The following CNTN3 variants were observed in gnomAD, a reference collection of about 807,000 sequenced individuals.
CNTN3 encodes contactin-3.
A neutral mutation model predicts 119.1 loss-of-function variants in CNTN3; 60 were observed. That is an observed-to-expected ratio of 0.50 (90% CI 0.41 to 0.62). The LOEUF (loss-of-function observed/expected upper bound fraction) is 0.62. Ranked by LOEUF, CNTN3 falls within the 20% of genes least tolerant of loss-of-function variation. The pLI is 0.00. For synonymous variants in CNTN3, 450 were observed against 438.7 expected (o/e 1.03, Z -0.32); for missense variants, 1,101 against 1,242.4 (o/e 0.89, Z 1.71).
At chr3:74,482,404 T>C (rs1255602931) in intron 4 of CNTN3, among the ~76,000 whole-genome samples, 1 of 151,972 alleles carries the variant, frequency 6.6e-6, no homozygotes, top group African/African-American at 2.4e-5. Flanking sequence ...AATAAATCAT[T>C]CATTATAAAA....
intron 4 of CNTN3, among the ~76,000 whole-genome samples, chr3:74,460,198 T>A (rs1220514104): frequency 6.6e-6 from 1 of 152,052 alleles, no homozygotes; most frequent in Non-Finnish European, 1.5e-5. Context: ...AAGTGATTCT[T>A]CACATTTTGA....
intron 5 of CNTN3, among the ~76,000 whole-genome samples, chr3:74,391,760 C>T (rs1375685325): frequency 5.3e-5 from 8 of 151,824 alleles, no homozygotes; most frequent in Admixed American, 3.9e-4. Context: ...GGGGCTCAAG[C>T]GATTCTCCTG....
intron 4 of CNTN3, among the ~76,000 whole-genome samples, chr3:74,442,797 C>T (rs1201947043): frequency 6.6e-6 from 1 of 152,154 alleles, no homozygotes; most frequent in Non-Finnish European, 1.5e-5. Context: ...CAGCATGACT[C>T]TCACAGCAAT....
intron 20 of CNTN3, among the ~76,000 whole-genome samples, chr3:74,268,032 T>C (rs189643447): frequency 2.0e-3 from 308 of 152,258 alleles, no homozygotes; most frequent in African/African-American, 7.2e-3. Flanking sequence ...AGAGTCTATA[T>C]TTTAAAAGTC....
chr3:74,289,962 C>T lies in CNTN3; in HGVS notation c.2518-4471G>A, dbSNP rs75537442. 2.7e-3 allele frequency among the ~76,000 whole-genome samples: 416 copies of T among 152,236 alleles called. 2 individuals carry two copies. Among genetic ancestry groups the T allele is most frequent in the African/African-American group, 9.3e-3 (386 of 41,552 alleles). On this transcript the variant is annotated intron_variant, in intron 19 of 22. Transcript: ENST00000263665. ...GTGTGGACTTAACTAGACACTGTGA[C>T]GGTTCTATGAGGATTTTTAAATTTT...
At chr3:74,493,103 T>A (rs1702998046) in intron 3 of CNTN3, among the ~76,000 whole-genome samples, 1 of 152,160 alleles carries the variant, frequency 6.6e-6, no homozygotes, top group South Asian at 2.1e-4. Context: ...TTTTCCTTTA[T>A]CTTACTAGTT....
chr3:74,404,994 A>G (rs920873473), intron 5 of CNTN3, among the ~76,000 whole-genome samples: 30 of 152,026 alleles, frequency 2.0e-4, no homozygotes, highest in African/African-American at 7.0e-4. Flanking sequence ...CAAAATGAAA[A>G]GAAAGAAGAA....
chr3:74,521,942 G>A (rs1283143999), intron 1 of CNTN3, among the ~76,000 whole-genome samples: 2 of 151,722 alleles, frequency 1.3e-5, no homozygotes, highest in African/African-American at 4.8e-5. Flanking sequence ...CAATTCAGTT[G>A]GTACCACACG....
intron 20 of CNTN3, among the ~76,000 whole-genome samples, chr3:74,282,383 T>C (rs1213880450): frequency 6.6e-6 from 1 of 152,202 alleles, no homozygotes; most frequent in Non-Finnish European, 1.5e-5. Flanking sequence ...TGTAGCATGT[T>C]TTGAATTTGC....
At chr3:74,504,819 T>C (rs1220907917) in intron 2 of CNTN3, among the ~76,000 whole-genome samples, 2 of 152,116 alleles carry the variant, frequency 1.3e-5, no homozygotes, top group Non-Finnish European at 2.9e-5. Flanking sequence ...CAGGGGAGAT[T>C]GGCTTATGAG....
intron 4 of CNTN3, among the ~76,000 whole-genome samples, chr3:74,475,116 T>G (rs565725526): frequency 6.6e-6 from 1 of 152,294 alleles, no homozygotes; most frequent in Admixed American, 6.5e-5. Context: ...CTAATACATG[T>G]GCCTTCTCTG....
intron 8 of CNTN3, among the ~76,000 whole-genome samples, chr3:74,367,426 A>G (rs993395235): frequency 2.0e-5 from 3 of 152,054 alleles, no homozygotes; most frequent in African/African-American, 4.8e-5. Context: ...CACATTGTCT[A>G]TAGAAACATG....
Position 74,612,552 on chromosome 3 carries a change from C to T in CNTN3, c.-81+1839G>A, listed in dbSNP as rs1031531918. 5.3e-5 allele frequency among the ~76,000 whole-genome samples: 8 copies of T among 152,214 alleles called. No individual in the cohort carries two copies. The South Asian group carries it at 1.5e-3, about 28-fold the overall frequency. On this transcript the variant is annotated intron_variant, in intron 1 of 22. Transcript: ENST00000263665. ...TGAGGCTGAATGTTATTGTCTGTGG[C>T]GGCCACAGCCTGAATCTATTACCCT...
chr3:74,443,671 C>T (rs921307160), intron 4 of CNTN3, among the ~76,000 whole-genome samples: 5 of 152,136 alleles, frequency 3.3e-5, no homozygotes, highest in African/African-American at 1.2e-4. Context: ...GCCTTCCTTC[C>T]TCTACTCTTT....
At chr3:74,601,744 T>C (rs1290371583) in intron 1 of CNTN3, among the ~76,000 whole-genome samples, 2 of 152,152 alleles carry the variant, frequency 1.3e-5, no homozygotes, top group East Asian at 3.9e-4. Context: ...GACTTGGGTT[T>C]GGCCATGTTT....
chr3:74,487,994 A>C (rs1702889126), intron 3 of CNTN3, among the ~76,000 whole-genome samples: 1 of 148,768 alleles, frequency 6.7e-6, no homozygotes, highest in Non-Finnish European at 1.5e-5. Context: ...ATTATACATA[A>C]TTATTTTATA....
intron 4 of CNTN3, among the ~76,000 whole-genome samples, chr3:74,483,327 C>T (rs187689998): frequency 6.6e-6 from 1 of 152,188 alleles, no homozygotes; most frequent in African/African-American, 2.4e-5. Context: ...TATGTATCCT[C>T]ATATGGTGCA....
At chr3:74,585,799 T>C (rs1313176240) in intron 1 of CNTN3, among the ~76,000 whole-genome samples, 1 of 152,144 alleles carries the variant, frequency 6.6e-6, no homozygotes, top group Non-Finnish European at 1.5e-5. Context: ...AAGCTAAAAA[T>C]GTATTTAATG....
intron 20 of CNTN3, among the ~76,000 whole-genome samples, chr3:74,279,761 A>C: frequency 6.6e-6 from 1 of 152,002 alleles, no homozygotes; most frequent in South Asian, 2.1e-4. Flanking sequence ...TATAACCAAA[A>C]ACCACCTGTA....
Sources: gnomAD v4.1 joint callset for allele counts (sites outside exome capture counted in the v4.1 genomes callset) on GRCh38, gnomAD v4.1.1 for gene constraint, MANE v1.5 for transcripts, NCBI Gene and HGNC (gene_info 2026-07-23, HGNC 2026-07-21) for gene names.